TOP1MT: variants seen among roughly 807,000 people sequenced by gnomAD.
The protein encoded by TOP1MT is DNA topoisomerase I, mitochondrial.
Under a neutral mutation model 73.9 loss-of-function variants are expected in TOP1MT, and 80 were observed. The ratio of observed to expected loss-of-function variants is 1.08; its 90% CI spans 0.90 to 1.30. The LOEUF is 1.30. TOP1MT is among the 50% of genes most tolerant of loss of function. TOP1MT has a pLI of 0.00. For synonymous variants in TOP1MT, 338 were observed against 326.4 expected (o/e 1.04, Z -0.38); for missense variants, 815 against 808.0 (o/e 1.01, Z -0.10).
upstream of TOP1MT, among the ~76,000 whole-genome samples, chr8:143,358,991 G>A (rs1404725953): frequency 7.0e-6 from 1 of 143,712 alleles, no homozygotes; most frequent in Non-Finnish European, 1.5e-5. Context: ...TAAGTAAAGC[G>A]TTTTTTTTGT....
intron 12 of TOP1MT, 104 bp from the exon 13 acceptor site, chr8:143,310,321 G>T: frequency 1.2e-6 from 1 of 853,970 alleles, no homozygotes. Flanking sequence ...GTGCAGCCCT[G>T]TCCCTGTCAT....
upstream of TOP1MT, among the ~76,000 whole-genome samples, chr8:143,349,640 C>CTTTTTTTTTTT (rs112290042): frequency 6.9e-6 from 1 of 145,956 alleles, no homozygotes; most frequent in Non-Finnish European, 1.5e-5. Context: ...CATCTGTACA[C>CTTTTTTTTTTT]TTTTTTTTTT....
At chr8:143,330,981 A>C (rs985944740) in intron 2 of TOP1MT, among the ~76,000 whole-genome samples, 4 of 152,174 alleles carry the variant, frequency 2.6e-5, no homozygotes, top group Non-Finnish European at 5.9e-5. Context: ...GGTCCTGGAC[A>C]CAACAGGCAC....
chr8:143,316,008 G>C lies in TOP1MT; in HGVS notation c.1449C>G (p.Leu483=), dbSNP rs1360644385. 1 of 1,614,168 alleles carries C rather than the reference G, an allele frequency of 6.2e-7. No individual in the cohort carries two copies. The highest frequency in any genetic ancestry group is 1.7e-5 in the Admixed American group (1 of 60,034). The change falls in exon 11 of 14, where the codon CTC becomes CTG. Residue 483 remains leucine (L), a synonymous_variant. Coordinates refer to ENST00000329245, the MANE Select transcript of TOP1MT (RefSeq NM_052963.3). ...TCCTGGGAGCTGCTACCTTCGTCTG[G>C]AGATTCTGCATCGACTTCTCGAACG... ...PSTFEKSMQN[L]QTKIQAKKEQ... is the part of the protein sequence containing the mutation.
intron 13 of TOP1MT, 135 bp from the exon 14 acceptor site, chr8:143,309,678 C>A: frequency 1.3e-6 from 2 of 1,522,008 alleles, no homozygotes; most frequent in Non-Finnish European, 1.8e-6. Flanking sequence ...GGGACCTGCT[C>A]CTCTAGGCCA....
intron 8 of TOP1MT, among the ~76,000 whole-genome samples, chr8:143,319,098 T>C (rs1816256947): frequency 6.6e-6 from 1 of 152,098 alleles, no homozygotes; most frequent in African/African-American, 2.4e-5. Context: ...TGCCTCTTCC[T>C]TTCGTGTGTT....
intron 12 of TOP1MT, among the ~76,000 whole-genome samples, chr8:143,312,327 A>G (rs535295270): frequency 3.2e-4 from 49 of 152,346 alleles, no homozygotes; most frequent in African/African-American, 1.1e-3. Flanking sequence ...TCAACAAAAT[A>G]TCAGCAAACT....
chr8:143,321,330 G>A lies in TOP1MT; in HGVS notation c.1017C>T (p.Gly339=), dbSNP rs1816339280. 1.2e-6 allele frequency: 2 copies of A among 1,605,718 alleles called. No individual in the cohort carries two copies. The highest frequency in any genetic ancestry group is 1.7e-6 in the Non-Finnish European group (2 of 1,173,746). The stretch of plus-strand genomic sequence containing the variant: ...CGTGCTCCACGCGGAGGGAACAGCA[G>A]CCCACGGTGTCGGCCGCCTCACCGT... ...KEDGEAADTV[G]CCSLRVEHVQ... Residue 339 remains glycine, a synonymous_variant, in exon 8 of 14, where the codon GGC becomes GGT. Transcript: ENST00000329245.
At position 143,324,543 on chromosome 8, in the gene TOP1MT, G is replaced by A; in HGVS notation, c.758C>T (p.Thr253Ile). The A allele has an allele frequency of 1.2e-6, 2 of 1,613,874 alleles. No homozygotes were observed. Among genetic ancestry groups the A allele is most frequent in the Non-Finnish European group, 1.7e-6 (2 of 1,180,006 alleles). Residue 253 changes from threonine (T) to isoleucine (I), a missense_variant, in exon 6 of 14, where the codon ACC becomes ATC. By Grantham distance (89) the Thr-to-Ile change is moderately conservative. Transcript: ENST00000329245. ...DNTVTWLAAW[T>I]ESVQNSIKYI... is the part of the protein sequence containing the mutation. The stretch of plus-strand genomic sequence containing the variant: ...CTTGATGGAGTTCTGAACGCTCTCG[G>A]TCCAAGCTGCCAGCCACGTGACGGT...
rs772351362 is a variant in TOP1MT at position 143,325,462 on chromosome 8, T to G, written c.555A>C (p.Lys185Asn). The change falls in exon 5 of 14, where the codon AAA becomes AAC. Residue 185 changes from lysine (K) to asparagine (N), a missense_variant. Lys to Asn is a moderately conservative substitution (Grantham distance 94). This residue lies in a region of TOP1MT where 751 missense variants were observed against 725.4 expected (regional missense o/e 1.04). Coordinates refer to ENST00000329245, the MANE Select transcript of TOP1MT (RefSeq NM_052963.3). ...GCGGCTCAATCTTGAAGTTGCCTAT[T>G]TTTTCTTGGTGACCATCTAAAATAC... is the stretch of plus-strand genomic sequence containing the variant. ...GYCILDGHQE[K>N]IGNFKIEPPG... 1 of 1,613,608 alleles carries G rather than the reference T, an allele frequency of 6.2e-7. No individual in the cohort carries two copies. Among genetic ancestry groups the G allele is most frequent in the South Asian group, 1.1e-5 (1 of 91,082 alleles).
intron 7 of TOP1MT, among the ~76,000 whole-genome samples, chr8:143,322,433 CCA>C (rs1554620297): frequency 5.8e-5 from 6 of 103,126 alleles, no homozygotes; most frequent in South Asian, 3.3e-4. Flanking sequence ...CACATGCACA[CCA>C]CACGCACGCC....
At chr8:143,328,395 A>C (rs1001115469) in intron 3 of TOP1MT, 31 of 410,388 alleles carry the variant, frequency 7.6e-5, no homozygotes, top group African/African-American at 5.4e-4. Context: ...AATAGACAAA[A>C]GTTCACGAAA....
upstream of TOP1MT, among the ~76,000 whole-genome samples, chr8:143,346,602 C>T (rs554927754): frequency 1.2e-4 from 19 of 152,264 alleles, no homozygotes; most frequent in African/African-American, 3.6e-4. Flanking sequence ...GGCAACACAG[C>T]AAGACCTCAT....
chr8:143,316,151 C>G, intron 10 of TOP1MT, 25 bp from the exon 11 acceptor site: 1 of 1,613,820 alleles, frequency 6.2e-7, no homozygotes, highest in Non-Finnish European at 8.5e-7. Context: ...CTGTCAGAGG[C>G]AGCACCCACG....
At chr8:143,329,550 A>C (rs1167815123) in intron 2 of TOP1MT, 79 bp from the exon 3 acceptor site, 2 of 1,537,244 alleles carry the variant, frequency 1.3e-6, no homozygotes, top group African/African-American at 2.8e-5. Context: ...CATTGCTTTA[A>C]ACTACGCTTT....
chr8:143,332,113 C>T (rs1816874364), intron 1 of TOP1MT, among the ~76,000 whole-genome samples: 1 of 152,198 alleles, frequency 6.6e-6, no homozygotes, highest in Admixed American at 6.5e-5. Flanking sequence ...TACAGCCCAT[C>T]CTAACTCTCC....
chr8:143,340,644 C>T (rs1817062918), intron 2 of TOP1MT, among the ~76,000 whole-genome samples: 1 of 152,226 alleles, frequency 6.6e-6, no homozygotes, highest in Non-Finnish European at 1.5e-5. Context: ...CGAGGCCACG[C>T]CGCTGGCTGT....
In TOP1MT at chr8:143,334,697, C is replaced by T. The variant is rs749067082; in HGVS notation, c.122+43G>A. The T allele has an allele frequency of 1.8e-5, 28 of 1,595,746 alleles. No homozygotes were observed. In the Middle Eastern group the frequency reaches 5.0e-4, roughly 28 times the overall value. On this transcript the variant is annotated intron_variant, in intron 1 of 13. Transcript: ENST00000329245. Reference sequence around the variant, plus strand: ...TCCCCTTTCTGGACCTACCCAAGCCCGGTGCTCAGGGCCCTCGCCGCCTGC... The same window carrying T: ...TCCCCTTTCTGGACCTACCCAAGCCTGGTGCTCAGGGCCCTCGCCGCCTGC...
rs368123044 is a variant in TOP1MT at position 143,329,444 on chromosome 8, G to A, written c.266C>T (p.Ala89Val). 2.3e-5 allele frequency: 37 copies of A among 1,610,214 alleles called. No individual in the cohort carries two copies. The African/African-American group carries it at 2.7e-4, about 12-fold the overall frequency. The change falls in exon 3 of 14, where the codon GCG (alanine) becomes GTG (valine). Residue 89 changes from alanine (A) to valine (V), a missense_variant. Coordinates refer to ENST00000329245, the MANE Select transcript of TOP1MT (RefSeq NM_052963.3). The stretch of plus-strand genomic sequence containing the variant: ...CCCATAAAAAGTGGCGACCTCCTCC[G>A]CTGCCACGCTCAATCTCACAGGCCT... ...EGRPVRLSVAAEEVATFYGRM... is the reference protein window; with the variant it reads ...EGRPVRLSVAVEEVATFYGRM...
Sources: gnomAD v4.1 joint callset for allele counts (sites outside exome capture counted in the v4.1 genomes callset) on GRCh38, gnomAD v4.1.1 for gene constraint, gnomAD v4.1.1 regional missense constraint, MANE v1.5 for transcripts, NCBI Gene and HGNC (gene_info 2026-07-23, HGNC 2026-07-21) for gene names.